The following DISC1 variants were observed in gnomAD, a reference collection of about 807,000 sequenced individuals.
DISC1 encodes the protein disrupted in schizophrenia 1 protein.
In DISC1, 57 loss-of-function variants were observed where a neutral mutation model predicts 84.5. That is an observed-to-expected ratio of 0.67 (90% CI 0.55 to 0.84). DISC1 has a LOEUF of 0.84. DISC1 is among the 40% of genes least tolerant of loss of function. The probability of loss-of-function intolerance (pLI) is 0.00; values close to 1 mark genes in which losing one functional copy is unlikely to be tolerated. For missense variants in DISC1, 1,000 were observed against 1,057.8 expected (o/e 0.95, Z 0.76); for synonymous variants, 411 against 415.2 (o/e 0.99, Z 0.12).
At chr1:231,631,987 A>G (rs909833764) in intron 1 of DISC1, among the ~76,000 whole-genome samples, 5 of 151,976 alleles carry the variant, frequency 3.3e-5, no homozygotes, top group African/African-American at 1.2e-4. Flanking sequence ...GAGGTGTACC[A>G]TTTTTCATCT....
At chr1:231,828,803 G>C (rs1261429431) in intron 9 of DISC1, among the ~76,000 whole-genome samples, 1 of 152,106 alleles carries the variant, frequency 6.6e-6, no homozygotes, top group Non-Finnish European at 1.5e-5. Flanking sequence ...GGACAATAGT[G>C]AGAGCATGGC....
At chr1:231,913,192 C>G (rs929940767) in intron 9 of DISC1, among the ~76,000 whole-genome samples, 1 of 152,216 alleles carries the variant, frequency 6.6e-6, no homozygotes, top group African/African-American at 2.4e-5. Flanking sequence ...CTTGTTTTTA[C>G]TCGCATGCTT....
intron 9 of DISC1, among the ~76,000 whole-genome samples, chr1:231,940,153 A>G (rs1051096166): frequency 1.3e-5 from 2 of 151,868 alleles, no homozygotes; most frequent in African/African-American, 2.4e-5. Context: ...GCTCACTGCT[A>G]TTCTATCTTG....
At chr1:231,828,502 G>T (rs557235248) in intron 9 of DISC1, among the ~76,000 whole-genome samples, 2 of 152,302 alleles carry the variant, frequency 1.3e-5, no homozygotes, top group East Asian at 3.9e-4. Context: ...GCCTTTGGAA[G>T]TGAAGTGATT....
intron 9 of DISC1, among the ~76,000 whole-genome samples, chr1:231,872,521 C>G (rs1346222511): frequency 6.6e-6 from 1 of 152,180 alleles, no homozygotes; most frequent in African/African-American, 2.4e-5. Flanking sequence ...GTGTCTACAT[C>G]ATAGATTGGA....
intron 9 of DISC1, among the ~76,000 whole-genome samples, chr1:231,843,595 G>A (rs1437945509): frequency 6.6e-6 from 1 of 152,198 alleles, no homozygotes; most frequent in African/African-American, 2.4e-5. Context: ...CTGTGAGAAC[G>A]AAGAGGAGGG....
At chr1:231,856,248 C>T (rs1006775584) in intron 9 of DISC1, among the ~76,000 whole-genome samples, 3 of 151,990 alleles carry the variant, frequency 2.0e-5, no homozygotes, top group African/African-American at 7.3e-5. Flanking sequence ...TGGTAAAATG[C>T]AGGGCAGAAA....
At chr1:231,783,409 T>C (rs2077580437) in intron 6 of DISC1, among the ~76,000 whole-genome samples, 1 of 152,182 alleles carries the variant, frequency 6.6e-6, no homozygotes, top group African/African-American at 2.4e-5. Context: ...GCTGTTCATA[T>C]TTCTGATTCC....
chr1:231,963,737 C>T (rs751933993), intron 10 of DISC1, among the ~76,000 whole-genome samples: 3 of 152,172 alleles, frequency 2.0e-5, no homozygotes, highest in Admixed American at 6.5e-5. Flanking sequence ...AAGCTTTATT[C>T]GGCTAGGAGC....
chr1:231,785,256 AT>A (rs371351019), intron 6 of DISC1, among the ~76,000 whole-genome samples: 26,964 of 118,686 alleles, frequency 0.23, 2,947 homozygotes, highest in South Asian at 0.31. Flanking sequence ...TGTGTGTGTT[AT>A]TTTATTTATT....
chr1:231,633,072 AAAAC>A (rs759841790), intron 1 of DISC1, among the ~76,000 whole-genome samples: 1 of 152,196 alleles, frequency 6.6e-6, no homozygotes, highest in African/African-American at 2.4e-5. Context: ...CTCCGTCAAA[AAAAC>A]AAACAAACAA....
chr1:231,980,026 A>C (rs1203726118), intron 10 of DISC1, among the ~76,000 whole-genome samples: 1 of 152,174 alleles, frequency 6.6e-6, no homozygotes, highest in Non-Finnish European at 1.5e-5. Context: ...TGTAACACTA[A>C]CCTTATGGTT....
At chr1:231,842,037 T>C (rs986416274) in intron 9 of DISC1, among the ~76,000 whole-genome samples, 6 of 152,240 alleles carry the variant, frequency 3.9e-5, no homozygotes, top group African/African-American at 1.4e-4. Context: ...TCTTGTGTTG[T>C]TGCCCAGGCT....
At chr1:231,855,420 C>T (rs2125911542) in intron 9 of DISC1, 1 of 985,146 alleles carries the variant, frequency 1.0e-6, no homozygotes, top group South Asian at 4.7e-5. Context: ...AGAATGTTCC[C>T]CATTTGATGC....
intron 9 of DISC1, among the ~76,000 whole-genome samples, chr1:231,835,196 T>A (rs1306494115): frequency 2.0e-5 from 3 of 152,132 alleles, no homozygotes; most frequent in Non-Finnish European, 1.5e-5. Flanking sequence ...GGGATTGATC[T>A]CCCAAGGGGG....
chr1:231,664,455 C>A (rs1426995344), intron 1 of DISC1, among the ~76,000 whole-genome samples: 1 of 152,100 alleles, frequency 6.6e-6, no homozygotes, highest in African/African-American at 2.4e-5. Context: ...AGGGACTTTG[C>A]AGATGAGATT....
chr1:231,844,222 G>A (rs201002512), intron 9 of DISC1, among the ~76,000 whole-genome samples: 9 of 152,330 alleles, frequency 5.9e-5, no homozygotes, highest in Middle Eastern at 3.4e-3. Context: ...CTTGTGTGCA[G>A]AGCCCATGGT....
At chr1:231,855,146 G>C in intron 9 of DISC1, 1 of 1,010,560 alleles carries the variant, frequency 9.9e-7, no homozygotes, top group African/African-American at 1.7e-5. Context: ...TTTCAATGTT[G>C]ATGCAGCGTC....
chr1:231,818,429 G>T lies in DISC1; in HGVS notation c.1893G>T (p.Leu631Phe), dbSNP rs374457080. ...GACTCCTCAGCAAGCTGTTGGTGTT[G>T]AGTTCCAGGAATGTCAAAAAGCTGG... ...LEGLLSKLLVLSSRNVKKLGS... is the reference protein window; with the variant it reads ...LEGLLSKLLVFSSRNVKKLGS... The change falls in exon 9 of 13, where the codon TTG (leucine) becomes TTT (phenylalanine). Residue 631 changes from leucine to phenylalanine, a missense_variant. Leu to Phe is a conservative substitution (Grantham distance 22). Coordinates refer to ENST00000439617, the MANE Select transcript of DISC1 (RefSeq NM_018662.3). 1.8e-5 allele frequency: 29 copies of T among 1,614,190 alleles called. No individual in the cohort carries two copies. The highest frequency in any genetic ancestry group is 1.7e-4 in the African/African-American group (13 of 75,052).
Sources: allele counts gnomAD v4.1 joint callset (sites outside exome capture counted in the v4.1 genomes callset), GRCh38; gene constraint gnomAD v4.1.1; transcripts MANE v1.5; gene names NCBI Gene and HGNC (gene_info 2026-07-23, HGNC 2026-07-21).